PYHIN1: variants seen among roughly 807,000 people sequenced by gnomAD.
PYHIN1 encodes the protein pyrin and HIN domain-containing protein 1.
A neutral mutation model predicts 43.7 loss-of-function variants in PYHIN1; 32 were observed. The observed-to-expected ratio is 0.73, with a 90% CI of 0.55 to 0.98. The LOEUF (loss-of-function observed/expected upper bound fraction) is 0.98. Among genes scored for constraint, PYHIN1 ranks in the 50% least tolerant of loss-of-function variants. The pLI, the probability that PYHIN1 is intolerant of heterozygous loss-of-function variation, is 0.00. For synonymous variants in PYHIN1, 205 were observed against 203.1 expected (o/e 1.01, Z -0.08); for missense variants, 588 against 589.5 (o/e 1.00, Z 0.03).
At position 158,943,820 on chromosome 1, in the gene PYHIN1, G is replaced by T; in HGVS notation, c.1033G>T (p.Glu345Ter). Residue 345 changes from glutamate to a stop codon, truncating the protein, a stop_gained, in exon 6 of 9, where the codon GAA becomes TAA. Transcript: ENST00000368140. LOFTEE classifies it high-confidence loss of function. ...KIVNRKTTIY[E>*]IQDKTGSMAV... ...TGTAAATAGGAAGACGACAATCTAT[G>T]AAATTCAGGATAAAACAGGAAGTAT... is the stretch of plus-strand genomic sequence containing the variant. The T allele has an allele frequency of 6.2e-7, 1 of 1,600,086 alleles. No individual in the cohort carries two copies. The highest frequency in any genetic ancestry group is 1.1e-5 in the South Asian group (1 of 88,828).
At chr1:158,965,938 C>G (rs950232933) in intron 7 of PYHIN1, among the ~76,000 whole-genome samples, 1 of 151,470 alleles carries the variant, frequency 6.6e-6, no homozygotes, top group Non-Finnish European at 1.5e-5. Flanking sequence ...CAAAGATCAA[C>G]GAATCCAGGA....
At chr1:158,939,455 G>A (rs1051394529) in intron 4 of PYHIN1, 29 of 1,551,654 alleles carry the variant, frequency 1.9e-5, no homozygotes, top group Non-Finnish European at 2.5e-5. Context: ...TTTCTGTCCT[G>A]TGCTGTTTGG....
intron 7 of PYHIN1, among the ~76,000 whole-genome samples, chr1:158,952,393 T>G (rs201537262): frequency 2.1e-5 from 3 of 143,784 alleles, no homozygotes; most frequent in African/African-American, 7.7e-5. Flanking sequence ...AAAAAAAAAA[T>G]GGGTTTATGA....
chr1:158,941,911 T>A, intron 4 of PYHIN1, 66 bp from the exon 5 acceptor site: 1 of 1,458,274 alleles, frequency 6.9e-7, no homozygotes, highest in Non-Finnish European at 9.1e-7. Context: ...TTGAGGTCAC[T>A]GAAGAGCAAT....
the PYHIN1 span, among the ~76,000 whole-genome samples, chr1:158,986,401 T>C: frequency 6.6e-6 from 1 of 152,220 alleles, no homozygotes; most frequent in African/African-American, 2.4e-5. Flanking sequence ...TTAGGCTGTG[T>C]GCTCTACCCC....
chr1:158,965,038 G>A (rs926957042), intron 7 of PYHIN1, among the ~76,000 whole-genome samples: 7 of 150,112 alleles, frequency 4.7e-5, no homozygotes, highest in Non-Finnish European at 8.9e-5. Flanking sequence ...AAAGGACAAA[G>A]AAAAATCTAC....
downstream of PYHIN1, among the ~76,000 whole-genome samples, chr1:158,979,048 C>CT (rs1344786769): frequency 1.3e-5 from 2 of 152,164 alleles, no homozygotes; most frequent in Non-Finnish European, 2.9e-5. Context: ...GAGAGGATCT[C>CT]TAGTGTATTA....
At chr1:158,985,060 G>A in the PYHIN1 span, among the ~76,000 whole-genome samples, 1 of 152,002 alleles carries the variant, frequency 6.6e-6, no homozygotes, top group African/African-American at 2.4e-5. Context: ...TACATGTAAG[G>A]TGGGTCTCTT....
intron 7 of PYHIN1, among the ~76,000 whole-genome samples, chr1:158,954,823 C>G (rs932444990): frequency 5.8e-4 from 87 of 151,048 alleles, no homozygotes; most frequent in Non-Finnish European, 1.1e-3. Context: ...GATAAAGAGT[C>G]AAGACCCATC....
rs566061420 is a variant in PYHIN1, at chr1:158,956,053, G to A, written c.1359+11011G>A. On this transcript the variant is annotated intron_variant, in intron 7 of 8. Coordinates refer to ENST00000368140, the MANE Select transcript of PYHIN1 (RefSeq NM_152501.5). ...ATACACTCTCCCAAGAGTAAACCAGGAAGAAGTTGAATGTCTGAATAGACC... is the reference window on the plus strand; with the variant it reads ...ATACACTCTCCCAAGAGTAAACCAGAAAGAAGTTGAATGTCTGAATAGACC... 9.5e-5 allele frequency among the ~76,000 whole-genome samples: 14 copies of A among 146,670 alleles called. 1 individual carries two copies. Among genetic ancestry groups the A allele is most frequent in the African/African-American group, 3.5e-4 (14 of 39,450 alleles).
chr1:158,982,284 G>T, the PYHIN1 span, among the ~76,000 whole-genome samples: 1 of 151,716 alleles, frequency 6.6e-6, no homozygotes, highest in African/African-American at 2.4e-5. Flanking sequence ...ACATATATAA[G>T]TTTTTTTTAA....
At chr1:158,970,191 A>G (rs1367122614) in intron 7 of PYHIN1, among the ~76,000 whole-genome samples, 1 of 152,054 alleles carries the variant, frequency 6.6e-6, no homozygotes, top group East Asian at 1.9e-4. Context: ...GAGGAAAATA[A>G]TCAGCAATGA....
At chr1:158,958,920 C>T (rs575152985) in intron 7 of PYHIN1, among the ~76,000 whole-genome samples, 34 of 150,900 alleles carry the variant, frequency 2.3e-4, no homozygotes, top group Non-Finnish European at 2.1e-4. Context: ...ACTGAGGCTC[C>T]GCTAGCCTTA....
At chr1:158,948,044 A>T (rs1271312651) in intron 7 of PYHIN1, among the ~76,000 whole-genome samples, 1 of 152,186 alleles carries the variant, frequency 6.6e-6, no homozygotes, top group Non-Finnish European at 1.5e-5. Flanking sequence ...GCCTGACTGA[A>T]CTACAACATG....
chr1:158,934,719 G>T (rs1336946330), intron 1 of PYHIN1, among the ~76,000 whole-genome samples: 1 of 151,990 alleles, frequency 6.6e-6, no homozygotes, highest in Non-Finnish European at 1.5e-5. Flanking sequence ...TAAAATATTT[G>T]TTTTTGTATT....
chr1:158,980,106 A>C (rs1571798086), downstream of PYHIN1, among the ~76,000 whole-genome samples: 1 of 152,166 alleles, frequency 6.6e-6, no homozygotes, highest in Non-Finnish European at 1.5e-5. Context: ...GACTGGCTGG[A>C]GCCACAGCAG....
intron 8 of PYHIN1, among the ~76,000 whole-genome samples, chr1:158,976,414 C>A (rs758015071): frequency 1.3e-5 from 2 of 152,062 alleles, no homozygotes; most frequent in African/African-American, 2.4e-5. Flanking sequence ...GTTGGACACA[C>A]CAGCTCCTTT....
intron 1 of PYHIN1, among the ~76,000 whole-genome samples, chr1:158,934,818 G>A (rs1648418304): frequency 2.0e-5 from 3 of 152,108 alleles, no homozygotes; most frequent in African/African-American, 7.2e-5. Context: ...CACCTCCCGG[G>A]TTCAAGCAAT....
chr1:158,990,761 G>A, the PYHIN1 span, among the ~76,000 whole-genome samples: 1 of 152,110 alleles, frequency 6.6e-6, no homozygotes, highest in African/African-American at 2.4e-5. Flanking sequence ...ATATGAATGA[G>A]TGATACAGTT....
Sources: allele counts gnomAD v4.1 joint callset (sites outside exome capture counted in the v4.1 genomes callset), GRCh38; gene constraint gnomAD v4.1.1; transcripts MANE v1.5; gene names NCBI Gene and HGNC (gene_info 2026-07-23, HGNC 2026-07-21).